Variants in LOC128092252 observed in about 807,000 individuals in gnomAD.
the LOC128092252 span, among the ~76,000 whole-genome samples, chr15:50,681,663 T>C: frequency 1.3e-5 from 2 of 152,230 alleles, no homozygotes; most frequent in African/African-American, 4.8e-5. Flanking sequence ...TATTGATGAC[T>C]TAGCTCAAAA....
the LOC128092252 span, among the ~76,000 whole-genome samples, chr15:50,660,978 CTT>C: frequency 1.6e-4 from 23 of 142,592 alleles, no homozygotes; most frequent in Non-Finnish European, 1.5e-4. Context: ...ACTACCATTC[CTT>C]TTTTTTTTTT....
At chr15:50,670,661 C>T in the LOC128092252 span, among the ~76,000 whole-genome samples, 2 of 152,016 alleles carry the variant, frequency 1.3e-5, no homozygotes, top group East Asian at 3.9e-4. Context: ...ATTAATAATC[C>T]ACTCCTTGCT....
the LOC128092252 span, among the ~76,000 whole-genome samples, chr15:50,676,264 C>T: frequency 1.3e-5 from 2 of 152,090 alleles, no homozygotes; most frequent in Non-Finnish European, 2.9e-5. Context: ...TTAAAGATTC[C>T]TAAAAAATTC....
At chr15:50,654,589 AG>A in the LOC128092252 span, among the ~76,000 whole-genome samples, 2 of 151,640 alleles carry the variant, frequency 1.3e-5, 1 homozygote, top group Non-Finnish European at 3.0e-5. Context: ...AAGGGCATAC[AG>A]GAATAGACAG....
the LOC128092252 span, among the ~76,000 whole-genome samples, chr15:50,686,245 C>A: frequency 6.6e-6 from 1 of 152,224 alleles, no homozygotes; most frequent in African/African-American, 2.4e-5. Flanking sequence ...CAGGTAGTCC[C>A]GGGCTCGCGC....
At chr15:50,658,491 G>C in the LOC128092252 span, among the ~76,000 whole-genome samples, 3 of 151,116 alleles carry the variant, frequency 2.0e-5, no homozygotes, top group African/African-American at 7.3e-5. Flanking sequence ...GATTCCTTGA[G>C]CATGGGAGGT....
chr15:50,659,299 T>C, the LOC128092252 span, among the ~76,000 whole-genome samples: 2 of 152,176 alleles, frequency 1.3e-5, no homozygotes, highest in Admixed American at 1.3e-4. Context: ...ATCATCTGCT[T>C]GGACATACAA....
chr15:50,685,171 C>G, the LOC128092252 span, among the ~76,000 whole-genome samples: 1 of 152,342 alleles, frequency 6.6e-6, no homozygotes, highest in East Asian at 1.9e-4. Flanking sequence ...AGTTTGAAAT[C>G]TCCCATGTTG....
the LOC128092252 span, among the ~76,000 whole-genome samples, chr15:50,661,922 A>G: frequency 1.9e-3 from 295 of 152,320 alleles, 1 homozygote; most frequent in African/African-American, 6.5e-3. Flanking sequence ...TAGGCCTCAG[A>G]AAAAAGAAAA....
chr15:50,666,468 G>GGAAGAGGAA, the LOC128092252 span, among the ~76,000 whole-genome samples: 4 of 151,324 alleles, frequency 2.6e-5, no homozygotes, highest in African/African-American at 7.3e-5. Flanking sequence ...AAGAAGAGGA[G>GGAAGAGGAA]GAAGAGGAAG....
At chr15:50,675,584 T>G in the LOC128092252 span, among the ~76,000 whole-genome samples, 1 of 152,084 alleles carries the variant, frequency 6.6e-6, no homozygotes, top group Non-Finnish European at 1.5e-5. Context: ...TAAAAAAAAG[T>G]TTTTATAGTT....
At chr15:50,678,506 T>TAAA in the LOC128092252 span, among the ~76,000 whole-genome samples, 1,144 of 128,506 alleles carry the variant, frequency 8.9e-3, 14 homozygotes, top group African/African-American at 0.033. Flanking sequence ...TTCCATTCTT[T>TAAA]AAAAAAAAAA....
At chr15:50,661,737 G>C in the LOC128092252 span, among the ~76,000 whole-genome samples, 1 of 152,102 alleles carries the variant, frequency 6.6e-6, no homozygotes, top group African/African-American at 2.4e-5. Context: ...TTGCAGAGAA[G>C]GTAAATGGGT....
the LOC128092252 span, among the ~76,000 whole-genome samples, chr15:50,667,850 A>G: frequency 6.6e-6 from 1 of 152,250 alleles, no homozygotes; most frequent in East Asian, 1.9e-4. Flanking sequence ...TAAAAATCAT[A>G]CAGGAAGCAT....
At chr15:50,674,170 G>A in the LOC128092252 span, among the ~76,000 whole-genome samples, 8 of 152,266 alleles carry the variant, frequency 5.3e-5, no homozygotes, top group African/African-American at 1.9e-4. Flanking sequence ...TGTATTTTTA[G>A]TAGAGATGGG....
the LOC128092252 span, among the ~76,000 whole-genome samples, chr15:50,666,972 A>C: frequency 6.6e-6 from 1 of 151,930 alleles, no homozygotes; most frequent in African/African-American, 2.4e-5. Context: ...TACTGTATGG[A>C]TTCGCCTCAA....
the LOC128092252 span, among the ~76,000 whole-genome samples, chr15:50,650,017 A>T: frequency 6.6e-6 from 1 of 151,758 alleles, no homozygotes; most frequent in Non-Finnish European, 1.5e-5. Flanking sequence ...CAACATGGTG[A>T]ACCGTCTCTA....
At chr15:50,679,375 A>C in the LOC128092252 span, among the ~76,000 whole-genome samples, 1 of 149,268 alleles carries the variant, frequency 6.7e-6, no homozygotes, top group East Asian at 1.9e-4. Context: ...GGACGTTCAC[A>C]CTGCGAGTAA....
chr15:50,674,137 T>C, the LOC128092252 span, among the ~76,000 whole-genome samples: 2 of 152,140 alleles, frequency 1.3e-5, no homozygotes, highest in African/African-American at 4.8e-5. Flanking sequence ...AACAGGTACC[T>C]GCCACCACGC....
Sources: allele counts gnomAD v4.1 joint callset (sites outside exome capture counted in the v4.1 genomes callset), GRCh38; gene constraint gnomAD v4.1.1; transcripts MANE v1.5.